The following TOPAZ1 variants were observed in gnomAD, a reference collection of about 807,000 sequenced individuals.
TOPAZ1 encodes the protein protein TOPAZ1.
In TOPAZ1, 66 loss-of-function variants were observed where a neutral mutation model predicts 172.2. The observed-to-expected ratio is 0.38, with a 90% confidence interval of 0.31 to 0.47. The LOEUF (loss-of-function observed/expected upper bound fraction) is 0.47. Among genes scored for constraint, TOPAZ1 ranks in the 20% least tolerant of loss-of-function variants. The pLI, the probability that TOPAZ1 is intolerant of heterozygous loss-of-function variation, is 0.99. For missense variants in TOPAZ1, 1,822 were observed against 1,972.4 expected (o/e 0.92, Z 1.44); for synonymous variants, 681 against 683.9 (o/e 1.00, Z 0.07).
At chr3:44,246,995 A>G (rs1246444332) in intron 2 of TOPAZ1, among the ~76,000 whole-genome samples, 1 of 152,188 alleles carries the variant, frequency 6.6e-6, no homozygotes, top group Non-Finnish European at 1.5e-5. Flanking sequence ...AGAAAGAGAT[A>G]CATGTTGTGA....
At chr3:44,282,463 A>G (rs549926434) in intron 9 of TOPAZ1, among the ~76,000 whole-genome samples, 1 of 152,294 alleles carries the variant, frequency 6.6e-6, no homozygotes, top group Admixed American at 6.5e-5. Flanking sequence ...CTTCAAGGCT[A>G]CTATTACCAC....
At chr3:44,301,758 C>A (rs1300628121) in intron 12 of TOPAZ1, among the ~76,000 whole-genome samples, 2 of 151,930 alleles carry the variant, frequency 1.3e-5, no homozygotes, top group Non-Finnish European at 2.9e-5. Context: ...AGGTATTAGG[C>A]CTTTGTAGTA....
intron 12 of TOPAZ1, among the ~76,000 whole-genome samples, chr3:44,293,800 A>G (rs1265424732): frequency 6.6e-6 from 1 of 152,234 alleles, no homozygotes; most frequent in East Asian, 1.9e-4. Flanking sequence ...ATTCAGTACA[A>G]TAACATGCTT....
chr3:44,318,485 G>A (rs1332637429), intron 16 of TOPAZ1, among the ~76,000 whole-genome samples: 2 of 150,956 alleles, frequency 1.3e-5, no homozygotes, highest in African/African-American at 2.4e-5. Context: ...TGAGGGCCAC[G>A]GTGGGGGGTG....
chr3:44,298,891 T>TATA (rs1553650037), intron 12 of TOPAZ1, among the ~76,000 whole-genome samples: 192 of 17,074 alleles, frequency 0.011, 11 homozygotes, highest in Middle Eastern at 0.056. Flanking sequence ...TGTATATATA[T>TATA]TATATATATA....
downstream of TOPAZ1, among the ~76,000 whole-genome samples, chr3:44,333,531 A>T (rs570976953): frequency 4.1e-4 from 63 of 152,330 alleles, 1 homozygote; most frequent in African/African-American, 1.5e-3. Flanking sequence ...GACCACTGAG[A>T]TGCTGGTGGC....
intron 2 of TOPAZ1, among the ~76,000 whole-genome samples, chr3:44,245,556 T>TA (rs1699554807): frequency 2.3e-5 from 2 of 88,248 alleles, no homozygotes; most frequent in East Asian, 3.6e-4. Context: ...TTTTTTTTTT[T>TA]AACGGAGTCT....
At chr3:44,283,950 C>T (rs1575720311) in intron 9 of TOPAZ1, among the ~76,000 whole-genome samples, 1 of 152,104 alleles carries the variant, frequency 6.6e-6, no homozygotes, top group Non-Finnish European at 1.5e-5. Context: ...TATTTATATT[C>T]AAATTTTGTC....
chr3:44,243,511 G>A lies in TOPAZ1; in HGVS notation c.1005G>A (p.Lys335=), dbSNP rs1471677968. 2 of 1,551,650 alleles carry A rather than the reference G, an allele frequency of 1.3e-6. No individual in the cohort carries two copies. Among genetic ancestry groups the A allele is most frequent in the Admixed American group, 2.0e-5 (1 of 50,994 alleles). Residue 335 remains lysine, a synonymous_variant, in exon 2 of 20, where the codon AAG becomes AAA. Coordinates refer to ENST00000309765, the MANE Select transcript of TOPAZ1 (RefSeq NM_001145030.2). ...SVGRKPRKRM[K]LSEKADETVT... ...GGCGAAAACCCAGGAAAAGGATGAA[G>A]TTGTCTGAAAAAGCAGATGAAACAG...
intron 16 of TOPAZ1, among the ~76,000 whole-genome samples, chr3:44,315,212 TGTGTGTGTGTG>T (rs1465101899): frequency 1.3e-4 from 6 of 45,674 alleles, no homozygotes; most frequent in Non-Finnish European, 2.1e-4. Context: ...TGTGTGTGTG[TGTGTGTGTGTG>T]TGTGTTTATA....
chr3:44,267,188 C>A, intron 6 of TOPAZ1, 52 bp downstream of exon 6: 1 of 1,371,612 alleles, frequency 7.3e-7, no homozygotes. Context: ...GATATAGAAA[C>A]TAGGAGATTT....
chr3:44,245,897 A>G lies in TOPAZ1; in HGVS notation c.2765+626A>G, dbSNP rs115703501. 8.9e-3 allele frequency among the ~76,000 whole-genome samples: 1,356 copies of G among 152,302 alleles called. 20 individuals carry two copies. The highest frequency in any genetic ancestry group is 0.031 in the African/African-American group (1,309 of 41,568). On this transcript the variant is annotated intron_variant, in intron 2 of 19. Transcript: ENST00000309765. ...TCTTTCAAAAGTTAAGTTTATTTTC[A>G]AATGTTCTTTAATTATTATAAATAC...
intron 16 of TOPAZ1, among the ~76,000 whole-genome samples, chr3:44,311,393 G>A (rs1377228427): frequency 6.6e-6 from 1 of 152,166 alleles, no homozygotes; most frequent in Non-Finnish European, 1.5e-5. Context: ...CAAGAAATGG[G>A]AAGGTGAAAA....
Position 44,245,138 on chromosome 3 carries a change from A to C in TOPAZ1, c.2632A>C (p.Asn878His). Residue 878 changes from asparagine to histidine, a missense_variant, in exon 2 of 20, where the codon AAT becomes CAT. By Grantham distance (68) the Asn-to-His change is moderately conservative (BLOSUM62 1). Around this residue, in one of 2 missense-constraint regions of TOPAZ1, gnomAD observed 1,489 missense variants for 1,490.8 expected, o/e 1.00. Coordinates refer to ENST00000309765, the MANE Select transcript of TOPAZ1 (RefSeq NM_001145030.2). ...TGACCCAGACCTCTTTGGAGTCTCC[A>C]ATGAAGGGGAGCTCTCATTTACTTC... ...QDDPDLFGVS[N>H]EGELSFTSEV... The C allele has an allele frequency of 6.4e-7, 1 of 1,552,058 alleles. No homozygotes were observed.
chr3:44,293,876 A>G (rs1419163712), intron 12 of TOPAZ1, among the ~76,000 whole-genome samples: 1 of 152,212 alleles, frequency 6.6e-6, no homozygotes, highest in Admixed American at 6.5e-5. Context: ...AGGCTGTACC[A>G]TCTAGGTTTG....
intron 10 of TOPAZ1, 23 bp downstream of exon 10, chr3:44,287,563 T>A (rs1282833540): frequency 2.9e-6 from 4 of 1,387,258 alleles, no homozygotes; most frequent in Non-Finnish European, 3.8e-6. Context: ...AAAATATATG[T>A]TATTTTAATA....
At chr3:44,268,465 C>A (rs1559531558) in intron 6 of TOPAZ1, among the ~76,000 whole-genome samples, 1 of 150,218 alleles carries the variant, frequency 6.7e-6, no homozygotes, top group Non-Finnish European at 1.5e-5. Flanking sequence ...CCTCCCCCTC[C>A]CAGGTTCAAG....
chr3:44,290,656 A>C (rs1016036344), intron 11 of TOPAZ1, 115 bp from the exon 12 acceptor site: 5 of 627,292 alleles, frequency 8.0e-6, no homozygotes, highest in Non-Finnish European at 1.4e-5. Context: ...GTTTTATTCC[A>C]CTTGTCTCCA....
chr3:44,313,722 C>G (rs1469844322), intron 16 of TOPAZ1, among the ~76,000 whole-genome samples: 1 of 151,836 alleles, frequency 6.6e-6, no homozygotes. Flanking sequence ...ATCACAGGTG[C>G]AGATGTTAGT....
Sources: gnomAD v4.1 joint callset for allele counts (sites outside exome capture counted in the v4.1 genomes callset) on GRCh38, gnomAD v4.1.1 for gene constraint, gnomAD v4.1.1 regional missense constraint, MANE v1.5 for transcripts, NCBI Gene and HGNC (gene_info 2026-07-23, HGNC 2026-07-21) for gene names.